The following NECAB2 variants were observed in gnomAD, a reference collection of about 807,000 sequenced individuals.
NECAB2 encodes the protein N-terminal EF-hand calcium binding protein 2, also known as N-terminal EF-hand calcium-binding protein 2.
Under a neutral mutation model 51.9 loss-of-function variants are expected in NECAB2, and 68 were observed. The observed-to-expected ratio is 1.31, with a 90% CI of 1.08 to 1.60. The LOEUF (loss-of-function observed/expected upper bound fraction) is 1.60. NECAB2 is among the 40% of genes most tolerant of loss of function. The pLI is 0.00. For missense variants in NECAB2, 854 were observed against 490.3 expected (o/e 1.74, Z -7.00); for synonymous variants, 329 against 203.5 (o/e 1.62, Z -5.25).
chr16:84,001,692 G>C (rs1293272007), intron 11 of NECAB2, 133 bp from the exon 12 acceptor site: 3 of 886,612 alleles, frequency 3.4e-6, no homozygotes, highest in African/African-American at 3.6e-5. Flanking sequence ...TTCCCACAAA[G>C]GCTCTGAGTC....
At chr16:84,001,631 G>A (rs997723897) in intron 11 of NECAB2, among the ~76,000 whole-genome samples, 194 bp from the exon 12 acceptor site, 1 of 152,076 alleles carries the variant, frequency 6.6e-6, no homozygotes, top group Non-Finnish European at 1.5e-5. Flanking sequence ...CAGGGAAAAA[G>A]AGAAGCTCAC....
intron 3 of NECAB2, among the ~76,000 whole-genome samples, 163 bp from the exon 4 acceptor site, chr16:83,980,676 G>A (rs1375170233): frequency 1.3e-5 from 2 of 152,264 alleles, no homozygotes; most frequent in East Asian, 3.9e-4. Context: ...AGGGGCGGGG[G>A]TGTCACCTAC....
Position 83,994,024 on chromosome 16 carries a change from C to T in NECAB2, c.597-278C>T, listed in dbSNP as rs112273939. ...GGTGGGTCCCTGGCTCAGCCTCACT[C>T]TGGAACTGAATCTCTTGGGGAAAAG... On this transcript the variant is annotated intron_variant, in intron 6 of 12. Transcript: ENST00000305202. Among the ~76,000 whole-genome samples the T allele has an allele frequency of 6.3e-3, 966 of 152,320 alleles. 8 individuals carry two copies. Among genetic ancestry groups the T allele is most frequent in the Middle Eastern group, 0.017 (5 of 294 alleles).
chr16:83,996,894 G>C (rs186661093), intron 8 of NECAB2, among the ~76,000 whole-genome samples: 3 of 152,266 alleles, frequency 2.0e-5, no homozygotes, highest in South Asian at 2.1e-4. Flanking sequence ...GGTGCTGGGG[G>C]TTATGATTTG....
Position 84,000,738 on chromosome 16 carries a change from G to C in NECAB2, c.977G>C (p.Arg326Thr), listed in dbSNP as rs1243154600. 7 of 1,613,764 alleles carry C rather than the reference G, an allele frequency of 4.3e-6. No homozygotes were observed. Among genetic ancestry groups the C allele is most frequent in the Non-Finnish European group, 5.1e-6 (6 of 1,179,968 alleles). ...VRNCFHITAV[R>T]LSDGFTFVIY... ...TCCTGTTGCAGCATCACTGCCGTGA[G>C]GCTCTCAGATGGCTTCACCTTTGTC... The change falls in exon 11 of 13, where the codon AGG becomes ACG. Residue 326 changes from arginine to threonine, a missense_variant. Coordinates refer to ENST00000305202, the MANE Select transcript of NECAB2 (RefSeq NM_019065.3).
chr16:83,990,450 C>A (rs377560176), intron 5 of NECAB2, 44 bp from the exon 6 acceptor site: 1 of 1,606,466 alleles, frequency 6.2e-7, no homozygotes, highest in East Asian at 2.2e-5. Context: ...TCCAATTTCC[C>A]TCCCACCCCT....
Position 83,990,583 on chromosome 16 carries a change from A to G in NECAB2, c.549A>G (p.Ser183=). ...TANQIQSLLS[S]VESAVEAIEE... is the part of the protein sequence containing the mutation. ...ATCAGATCCAGTCGCTGCTGAGCTC[A>G]GTGGAGAGTGCGGTGGAGGCCATCG... is the stretch of plus-strand genomic sequence containing the variant. Residue 183 remains serine (S), a synonymous_variant, in exon 6 of 13, where the codon TCA becomes TCG. Coordinates refer to ENST00000305202, the MANE Select transcript of NECAB2 (RefSeq NM_019065.3). 6.2e-7 allele frequency: 1 copy of G among 1,614,006 alleles called. No homozygotes were observed. Among genetic ancestry groups the G allele is most frequent in the Non-Finnish European group, 8.5e-7 (1 of 1,179,946 alleles).
intron 1 of NECAB2, among the ~76,000 whole-genome samples, chr16:83,970,152 G>A (rs1028871680): frequency 5.9e-5 from 9 of 152,324 alleles, no homozygotes; most frequent in African/African-American, 2.2e-4. Flanking sequence ...GCCCAGTCAG[G>A]GTGGGGGCTC....
In NECAB2 at chr16:84,000,691, C is replaced by A. The variant is rs1305577022; in HGVS notation, c.963-33C>A. ...CACTGAGGTGGCCTTGGTTGAGCTCCAGCCTCCTCCCCCCGACCATCTCCT... is the reference window on the plus strand; with the variant it reads ...CACTGAGGTGGCCTTGGTTGAGCTCAAGCCTCCTCCCCCCGACCATCTCCT... On this transcript the variant is annotated intron_variant, in intron 10 of 12. Coordinates refer to ENST00000305202, the MANE Select transcript of NECAB2 (RefSeq NM_019065.3). 14 of 1,608,758 alleles carry A rather than the reference C, an allele frequency of 8.7e-6. No individual in the cohort carries two copies. The Middle Eastern group carries it at 6.6e-4, about 76-fold the overall frequency.
chr16:84,002,599 C>G lies in NECAB2; in HGVS notation c.*253C>G, dbSNP rs947474868. ...CGGCTTCCTGGAGCCAGCACCCCTGCCTCCTGGTCCTGGCCTCTCCCCTAC... is the reference window on the plus strand; with the variant it reads ...CGGCTTCCTGGAGCCAGCACCCCTGGCTCCTGGTCCTGGCCTCTCCCCTAC... On this transcript the variant is annotated 3_prime_UTR_variant, in exon 13 of 13. Transcript: ENST00000305202. 28 of 578,118 alleles carry G rather than the reference C, an allele frequency of 4.8e-5. No individual in the cohort carries two copies. The highest frequency in any genetic ancestry group is 8.0e-5 in the South Asian group (4 of 49,770). 35.8% of individuals were successfully genotyped at this position (578,118 alleles called of 1,614,324 possible). A position where few individuals can be genotyped will look rare whatever the true frequency, so the allele number is the denominator to read the frequency against.
intron 5 of NECAB2, among the ~76,000 whole-genome samples, chr16:83,985,769 G>A (rs950001347): frequency 6.6e-5 from 10 of 152,008 alleles, no homozygotes; most frequent in African/African-American, 2.4e-4. Flanking sequence ...AGATAAAATT[G>A]AATGACCAGA....
chr16:83,996,456 T>G (rs753463767), intron 8 of NECAB2, among the ~76,000 whole-genome samples: 7 of 152,166 alleles, frequency 4.6e-5, no homozygotes, highest in Non-Finnish European at 7.3e-5. Flanking sequence ...GTTTTCCTTA[T>G]TAGCTGGCGT....
Position 84,002,372 on chromosome 16 carries a change from G to C in NECAB2, c.*26G>C, listed in dbSNP as rs764935008. The C allele has an allele frequency of 1.9e-6, 3 of 1,611,134 alleles. No homozygotes were observed. Among genetic ancestry groups the C allele is most frequent in the African/African-American group, 1.3e-5 (1 of 74,108 alleles). On this transcript the variant is annotated 3_prime_UTR_variant, in exon 13 of 13. Transcript: ENST00000305202. Reference sequence around the variant, plus strand: ...CAGCCTCCCAGAGGCCCGTGGAGGAGCCCACCAGCCCCTTCTTCTTGTGAA... The same window carrying C: ...CAGCCTCCCAGAGGCCCGTGGAGGACCCCACCAGCCCCTTCTTCTTGTGAA...
At chr16:83,999,625 T>G (rs1163284838) in intron 10 of NECAB2, among the ~76,000 whole-genome samples, 1 of 152,018 alleles carries the variant, frequency 6.6e-6, no homozygotes, top group Non-Finnish European at 1.5e-5. Flanking sequence ...GCTTCCTCAT[T>G]GTAGTGCACT....
chr16:83,999,936 G>T (rs574884959), intron 10 of NECAB2, among the ~76,000 whole-genome samples: 57 of 150,694 alleles, frequency 3.8e-4, no homozygotes, highest in Non-Finnish European at 7.9e-4. Flanking sequence ...GCAGGAGTGA[G>T]TGTGTAGTAG....
In NECAB2 at chr16:84,002,640, G is replaced by A. The variant is rs544634993; in HGVS notation, c.*294G>A. 102 of 527,592 alleles carry A rather than the reference G, an allele frequency of 1.9e-4. No individual in the cohort carries two copies. Among genetic ancestry groups the A allele is most frequent in the African/African-American group, 8.3e-4 (43 of 51,832 alleles). 32.7% of individuals were successfully genotyped at this position (527,592 alleles called of 1,614,324 possible). On this transcript the variant is annotated 3_prime_UTR_variant, in exon 13 of 13. Transcript: ENST00000305202. ...TCTCCCCTACCCCTCACATGGCCAC[G>A]CATGACCCACACTGACCACACCCTG...
intron 5 of NECAB2, 112 bp downstream of exon 5, chr16:83,981,239 C>T (rs570337813): frequency 2.2e-5 from 20 of 926,672 alleles, no homozygotes; most frequent in African/African-American, 5.0e-5. Context: ...AGGCCTATCT[C>T]AGGGGTGGGC....
rs201532613 is a variant in NECAB2 at position 84,001,840 on chromosome 16, C to T, written c.1056C>T (p.Pro352=). ...EEAWKRHLQS[P]LCKAFRHVKV... ...TGCGTCACAGGCACCTGCAGAGCCCCCTGTGTAAGGCGTTCCGGCACGTCA... is the reference window on the plus strand; with the variant it reads ...TGCGTCACAGGCACCTGCAGAGCCCTCTGTGTAAGGCGTTCCGGCACGTCA... The change falls in exon 12 of 13, where the codon CCC becomes CCT. Residue 352 remains proline (P), a synonymous_variant. Transcript: ENST00000305202. 63 of 1,614,006 alleles carry T rather than the reference C, an allele frequency of 3.9e-5. No homozygotes were observed. The highest frequency in any genetic ancestry group is 6.7e-5 in the African/African-American group (5 of 74,938).
chr16:83,994,517 A>C (rs2084669769), intron 7 of NECAB2, 92 bp from the exon 8 acceptor site: 3 of 1,595,378 alleles, frequency 1.9e-6, no homozygotes, highest in Non-Finnish European at 2.6e-6. Flanking sequence ...AGCAAGTTTG[A>C]TGCCCCTGGA....
Sources: allele counts gnomAD v4.1 joint callset (sites outside exome capture counted in the v4.1 genomes callset), GRCh38; gene constraint gnomAD v4.1.1; transcripts MANE v1.5; gene names NCBI Gene and HGNC (gene_info 2026-07-23, HGNC 2026-07-21).